HMCN1: variants seen among roughly 807,000 people sequenced by gnomAD.
HMCN1 encodes the protein hemicentin-1.
HMCN1 carries 321 observed loss-of-function variants against 625.9 expected under a neutral mutation model. The observed-to-expected ratio is 0.51, with a 90% confidence interval of 0.47 to 0.56. The LOEUF (loss-of-function observed/expected upper bound fraction) is 0.56, where lower values mean the gene tolerates loss of function less well. Ranked by LOEUF, HMCN1 falls within the 20% of genes least tolerant of loss-of-function variation. The pLI, the probability that HMCN1 is intolerant of heterozygous loss-of-function variation, is 0.00. For synonymous variants in HMCN1, 2,425 were observed against 2,417.6 expected, an observed-to-expected ratio of 1.00 and a Z score of -0.09; for missense variants, 6,588 against 6,887.3, an observed-to-expected ratio of 0.96 and a Z score of 1.54.
chr1:186,172,960 A>G (rs914396850), intron 102 of HMCN1, among the ~76,000 whole-genome samples: 16 of 152,162 alleles, frequency 1.1e-4, no homozygotes, highest in African/African-American at 3.4e-4. Context: ...ACATTTAAAT[A>G]TAGGTTGGGA....
Position 186,001,306 on chromosome 1 carries a change from G to T in HMCN1, c.4078G>T (p.Val1360Leu). 1.2e-6 allele frequency: 2 copies of T among 1,610,996 alleles called. No individual in the cohort carries two copies. Among genetic ancestry groups the T allele is most frequent in the Non-Finnish European group, 1.7e-6 (2 of 1,177,900 alleles). Residue 1360 changes from valine (V) to leucine (L), a missense_variant, in exon 27 of 107, where the codon GTA (valine) becomes TTA (leucine). Val to Leu is a conservative substitution (Grantham distance 32). Around this residue, in one of 3 missense-constraint regions of HMCN1, gnomAD observed 4,628 missense variants for 4,853.1 expected, o/e 0.95. Coordinates refer to ENST00000271588, the MANE Select transcript of HMCN1 (RefSeq NM_031935.3). The stretch of plus-strand genomic sequence containing the variant: ...CTCCTCTCTTTTTGCAGTTCCTCCA[G>T]TAATTAAAGATAAAGAACAAGTTAC... ...KYNLKVHVPP[V>L]IKDKEQVTNV...
At chr1:185,826,623 C>A (rs2102279376) in intron 1 of HMCN1, among the ~76,000 whole-genome samples, 1 of 152,278 alleles carries the variant, frequency 6.6e-6, no homozygotes, top group Non-Finnish European at 1.5e-5. Context: ...ATGGGCCAAC[C>A]ACATGAAAAC....
At chr1:185,763,731 T>C (rs1655671101) in intron 1 of HMCN1, among the ~76,000 whole-genome samples, 1 of 152,192 alleles carries the variant, frequency 6.6e-6, no homozygotes, top group South Asian at 2.1e-4. Context: ...CAGGTACTTT[T>C]ATGTCTGTTT....
In HMCN1 at chr1:186,070,752, G is replaced by A. The variant is rs1219322525; in HGVS notation, c.8134G>A (p.Gly2712Arg). 1 of 1,613,726 alleles carries A rather than the reference G, an allele frequency of 6.2e-7. No individual in the cohort carries two copies. Among genetic ancestry groups the A allele is most frequent in the Non-Finnish European group, 8.5e-7 (1 of 1,179,758 alleles). Reference sequence around the variant, plus strand: ...TGCCTCCCTCAGCTGGTACAAGGATGGACAGGCCAGTCACAACTTTTTTCA... The same window carrying A: ...TGCCTCCCTCAGCTGGTACAAGGATAGACAGGCCAGTCACAACTTTTTTCA... Reference protein sequence around the residue: ...PSASLSWYKDGQPLKSDDHVN... With the variant: ...PSASLSWYKDRQPLKSDDHVN... Residue 2712 changes from glycine (G) to arginine (R), a missense_variant, in exon 52 of 107, where the codon GGA becomes AGA. Transcript: ENST00000271588.
intron 1 of HMCN1, among the ~76,000 whole-genome samples, chr1:185,838,173 A>G (rs1661282774): frequency 6.6e-6 from 1 of 152,130 alleles, no homozygotes; most frequent in South Asian, 2.1e-4. Flanking sequence ...CCACCAGCAC[A>G]AGCCCCAGGC....
At position 186,015,920 on chromosome 1, in the gene HMCN1, C is replaced by T. The variant is rs750928785; in HGVS notation, c.4910-38C>T. On this transcript the variant is annotated intron_variant, in intron 31 of 106. Transcript: ENST00000271588. Reference sequence around the variant, plus strand: ...CATTAGAATGTATTTTGTGACCACACAAATAATTGCCTGAAATATTGCTAT... The same window carrying T: ...CATTAGAATGTATTTTGTGACCACATAAATAATTGCCTGAAATATTGCTAT... 3.2e-6 allele frequency: 5 copies of T among 1,582,074 alleles called. No individual in the cohort carries two copies. The East Asian group carries it at 6.7e-5, about 21-fold the overall frequency.
chr1:185,943,913 C>T (rs894259382), intron 11 of HMCN1, among the ~76,000 whole-genome samples: 2 of 152,062 alleles, frequency 1.3e-5, no homozygotes, highest in Non-Finnish European at 2.9e-5. Context: ...TCAGGAGATT[C>T]CAAGGGTTTT....
At chr1:186,146,501 G>T (rs1650324788) in intron 93 of HMCN1, among the ~76,000 whole-genome samples, 1 of 152,096 alleles carries the variant, frequency 6.6e-6, no homozygotes, top group Non-Finnish European at 1.5e-5. Flanking sequence ...GCTTCTAAAG[G>T]TTGTAAGAAG....
At chr1:186,155,596 T>C (rs891209927) in intron 97 of HMCN1, among the ~76,000 whole-genome samples, 2 of 152,192 alleles carry the variant, frequency 1.3e-5, no homozygotes, top group African/African-American at 4.8e-5. Context: ...CGTGTACATT[T>C]TCCAAGCCTA....
chr1:186,063,086 A>ATG lies in HMCN1; in HGVS notation c.7513+487_7513+488insGT, dbSNP rs1291073249. ...TGTGTGCATATATATATATATATAT[A>ATG]TATATATATATATATATCACATTTT... On this transcript the variant is annotated intron_variant, in intron 48 of 106. Coordinates refer to ENST00000271588, the MANE Select transcript of HMCN1 (RefSeq NM_031935.3). Among the ~76,000 whole-genome samples the ATG allele has an allele frequency of 5.2e-3, 656 of 126,768 alleles. 24 individuals are homozygous for ATG. The highest frequency in any genetic ancestry group is 0.022 in the African/African-American group (641 of 29,794). 83.2% of individuals were successfully genotyped at this position (126,768 alleles called of 152,430 possible).
intron 4 of HMCN1, among the ~76,000 whole-genome samples, chr1:185,886,639 A>G (rs951772658): frequency 6.6e-6 from 1 of 152,114 alleles, no homozygotes; most frequent in Admixed American, 6.5e-5. Flanking sequence ...TTAGTTTTAC[A>G]TATGGAATGT....
At chr1:185,990,183 T>G (rs1652324147) in intron 21 of HMCN1, 92 bp from the exon 22 acceptor site, 1 of 1,089,510 alleles carries the variant, frequency 9.2e-7, no homozygotes, top group African/African-American at 1.5e-5. Context: ...ATAAATTACT[T>G]AAGAACATTA....
chr1:186,054,483 G>A (rs762050187), intron 44 of HMCN1, among the ~76,000 whole-genome samples: 5 of 151,966 alleles, frequency 3.3e-5, no homozygotes, highest in South Asian at 2.1e-4. Flanking sequence ...ACAAGGTCGC[G>A]TGGCTTGTGT....
chr1:185,952,749 G>C (rs1283968563), intron 11 of HMCN1, among the ~76,000 whole-genome samples: 3 of 151,728 alleles, frequency 2.0e-5, no homozygotes, highest in African/African-American at 7.3e-5. Flanking sequence ...TAAGGTAGAA[G>C]AAGGAGGAAT....
At chr1:186,035,501 G>C (rs561923982) in intron 36 of HMCN1, among the ~76,000 whole-genome samples, 50 of 152,110 alleles carry the variant, frequency 3.3e-4, no homozygotes, top group Middle Eastern at 3.4e-3. Flanking sequence ...ATTCTGGGTT[G>C]AGTGCTTAGG....
chr1:186,117,674 T>C (rs1183447564), intron 77 of HMCN1, 51 bp downstream of exon 77: 1 of 1,535,014 alleles, frequency 6.5e-7, no homozygotes, highest in Non-Finnish European at 9.0e-7. Flanking sequence ...TATTTATTGA[T>C]GCATATTCTT....
chr1:185,788,886 A>G (rs991417492), intron 1 of HMCN1, among the ~76,000 whole-genome samples: 1 of 152,176 alleles, frequency 6.6e-6, no homozygotes, highest in Non-Finnish European at 1.5e-5. Flanking sequence ...TTTGATCATT[A>G]TTTGCCTTCT....
Position 186,088,252 on chromosome 1 carries a change from T to C in HMCN1, c.9553T>C (p.Trp3185Arg). 6.2e-7 allele frequency: 1 copy of C among 1,612,890 alleles called. No homozygotes were observed. ...TGGGATCCCACCTCCCACGATAGCA[T>C]GGTTAAAGAACCACAAGCGCATAGG... ...ATGIPPPTIA[W>R]LKNHKRIENS... Residue 3185 changes from tryptophan to arginine, a missense_variant, in exon 62 of 107, where the codon TGG becomes CGG. Trp to Arg is a moderately radical substitution (Grantham distance 101). Around this residue, in one of 3 missense-constraint regions of HMCN1, gnomAD observed 4,628 missense variants for 4,853.1 expected, o/e 0.95. Coordinates refer to ENST00000271588, the MANE Select transcript of HMCN1 (RefSeq NM_031935.3).
At chr1:185,845,952 C>G in intron 1 of HMCN1, 74 bp from the exon 2 acceptor site, 2 of 913,120 alleles carry the variant, frequency 2.2e-6, no homozygotes, top group South Asian at 2.6e-5. Flanking sequence ...GGTGAAAAGA[C>G]ATCTATAAAC....
Sources: gnomAD v4.1 joint callset for allele counts (sites outside exome capture counted in the v4.1 genomes callset) on GRCh38, gnomAD v4.1.1 for gene constraint, gnomAD v4.1.1 regional missense constraint, MANE v1.5 for transcripts, NCBI Gene and HGNC (gene_info 2026-07-23, HGNC 2026-07-21) for gene names.